The following KIAA1217 variants were observed in gnomAD, a reference collection of about 807,000 sequenced individuals.
KIAA1217 encodes the protein sickle tail protein homolog.
Under a neutral mutation model 163.9 loss-of-function variants are expected in KIAA1217, and 88 were observed. The ratio of observed to expected loss-of-function variants is 0.54; its 90% confidence interval spans 0.45 to 0.64. KIAA1217 has a LOEUF of 0.64. Among genes scored for constraint, KIAA1217 ranks in the 30% least tolerant of loss-of-function variants. The probability of loss-of-function intolerance (pLI) is 0.00; values close to 1 mark genes in which losing one functional copy is unlikely to be tolerated. For synonymous variants in KIAA1217, 903 were observed against 923.1 expected, an observed-to-expected ratio of 0.98 and a Z score of 0.39; for missense variants, 2,372 against 2,475.0, an observed-to-expected ratio of 0.96 and a Z score of 0.88.
At chr10:24,450,591 T>G (rs1259974505) in intron 5 of KIAA1217, among the ~76,000 whole-genome samples, 1 of 152,254 alleles carries the variant, frequency 6.6e-6, no homozygotes, top group Non-Finnish European at 1.5e-5. Context: ...ATGAATTTGC[T>G]TGTTCATATT....
At chr10:24,361,824 A>G (rs1432490220) in intron 2 of KIAA1217, among the ~76,000 whole-genome samples, 1 of 151,886 alleles carries the variant, frequency 6.6e-6, no homozygotes, top group Non-Finnish European at 1.5e-5. Flanking sequence ...AAATACAAAA[A>G]ATTAGCCAGG....
chr10:24,302,960 TAAC>T (rs2041553535), intron 2 of KIAA1217, among the ~76,000 whole-genome samples: 1 of 152,142 alleles, frequency 6.6e-6, no homozygotes, highest in Non-Finnish European at 1.5e-5. Context: ...TGTAGGGTCT[TAAC>T]AGGCTGTAGT....
intron 1 of KIAA1217, among the ~76,000 whole-genome samples, chr10:23,705,558 G>A (rs187233152): frequency 2.0e-5 from 3 of 152,182 alleles, no homozygotes; most frequent in African/African-American, 7.2e-5. Flanking sequence ...TAAATGTGAG[G>A]GTTTATTTAT....
At chr10:23,815,267 GA>G (rs947500269) in intron 1 of KIAA1217, among the ~76,000 whole-genome samples, 63 of 151,524 alleles carry the variant, frequency 4.2e-4, no homozygotes, top group African/African-American at 7.0e-4. Context: ...TTTTACAGAT[GA>G]AAAAAAAGCA....
At chr10:23,700,503 TAA>T (rs529346143) in intron 1 of KIAA1217, among the ~76,000 whole-genome samples, 5 of 142,702 alleles carry the variant, frequency 3.5e-5, no homozygotes, top group Non-Finnish European at 3.1e-5. Context: ...TCTCTCATAG[TAA>T]AAAAAAAAAA....
At chr10:23,790,816 A>G (rs537982314) in intron 1 of KIAA1217, among the ~76,000 whole-genome samples, 24 of 151,864 alleles carry the variant, frequency 1.6e-4, no homozygotes, top group African/African-American at 4.8e-4. Flanking sequence ...GCATTGCAAC[A>G]TCGACCTCCT....
At chr10:24,076,490 C>G (rs2061371994) in intron 2 of KIAA1217, among the ~76,000 whole-genome samples, 1 of 152,150 alleles carries the variant, frequency 6.6e-6, no homozygotes, top group Non-Finnish European at 1.5e-5. Context: ...AGTCTGAGAG[C>G]AGGAAGATGC....
chr10:24,326,141 G>GT (rs1459452081), intron 2 of KIAA1217, among the ~76,000 whole-genome samples: 1 of 152,090 alleles, frequency 6.6e-6, no homozygotes, highest in Non-Finnish European at 1.5e-5. Context: ...TTCATTTCCA[G>GT]TTTTTACTTC....
At chr10:24,220,927 T>C (rs2069547289) in intron 2 of KIAA1217, among the ~76,000 whole-genome samples, 1 of 151,946 alleles carries the variant, frequency 6.6e-6, no homozygotes, top group African/African-American at 2.4e-5. Flanking sequence ...CCTGGCTCAT[T>C]TTTTATTTTT....
intron 12 of KIAA1217, 113 bp from the exon 13 acceptor site, chr10:24,524,210 C>G (rs944611295): frequency 8.9e-7 from 1 of 1,126,784 alleles, no homozygotes; most frequent in Non-Finnish European, 1.3e-6. Flanking sequence ...AGCGGCTACT[C>G]TGAGCTTTGG....
intron 1 of KIAA1217, among the ~76,000 whole-genome samples, chr10:23,943,163 T>C (rs1843857579): frequency 6.6e-6 from 1 of 151,884 alleles, no homozygotes; most frequent in Non-Finnish European, 1.5e-5. Context: ...ATTTTATACA[T>C]GTGGAAATAT....
chr10:24,368,870 C>T (rs1044001275), intron 2 of KIAA1217: 3 of 983,788 alleles, frequency 3.0e-6, no homozygotes, highest in Non-Finnish European at 2.4e-6. Flanking sequence ...TGGTTGGCAT[C>T]TTTTATAATT....
intron 2 of KIAA1217, among the ~76,000 whole-genome samples, chr10:24,096,739 G>T (rs2062178392): frequency 6.6e-6 from 1 of 152,094 alleles, no homozygotes; most frequent in Non-Finnish European, 1.5e-5. Flanking sequence ...GGCCTCAGCT[G>T]AAATGCCACT....
At chr10:23,934,625 A>ACGTATATATATATATATTT (rs1386131943) in intron 1 of KIAA1217, among the ~76,000 whole-genome samples, 3 of 68,550 alleles carry the variant, frequency 4.4e-5, no homozygotes, top group African/African-American at 9.2e-5. Flanking sequence ...ATATATATAT[A>ACGTATATATATATATATTT]TTTTTTTTTT....
chr10:24,063,216 T>G (rs1358754970), intron 2 of KIAA1217, among the ~76,000 whole-genome samples: 2 of 152,210 alleles, frequency 1.3e-5, no homozygotes, highest in African/African-American at 4.8e-5. Context: ...TCCTTCCCCA[T>G]GCCTATGTCC....
chr10:24,119,226 G>A (rs979301925), intron 2 of KIAA1217, among the ~76,000 whole-genome samples: 3 of 152,028 alleles, frequency 2.0e-5, no homozygotes, highest in Non-Finnish European at 4.4e-5. Context: ...TAATATAAAC[G>A]ATATTTTAAC....
chr10:24,121,077 A>G (rs1463724220), intron 2 of KIAA1217, among the ~76,000 whole-genome samples: 1 of 152,212 alleles, frequency 6.6e-6, no homozygotes, highest in East Asian at 1.9e-4. Flanking sequence ...GTCCACTGGC[A>G]TCCTGTATTC....
chr10:24,065,009 G>C (rs2060882631), intron 2 of KIAA1217, among the ~76,000 whole-genome samples: 2 of 152,066 alleles, frequency 1.3e-5, no homozygotes, highest in Non-Finnish European at 1.5e-5. Flanking sequence ...ATTTTTTATT[G>C]CGTCTATTTG....
Position 24,116,211 on chromosome 10 carries a change from G to A in KIAA1217, c.-170-103415G>A, listed in dbSNP as rs1006427960. ...CACACTTGCCCCATGAGTAGTGGTA[G>A]GACATTGAGTGATGAGAATTATCTA... On this transcript the variant is annotated intron_variant, in intron 2 of 18. Coordinates refer to the KIAA1217 transcript ENST00000376462. 9.2e-5 allele frequency among the ~76,000 whole-genome samples: 14 copies of A among 152,064 alleles called. 1 individual carries two copies. Among genetic ancestry groups the A allele is most frequent in the Admixed American group, 7.9e-4 (12 of 15,278 alleles).
Sources: allele counts gnomAD v4.1 joint callset (sites outside exome capture counted in the v4.1 genomes callset), GRCh38; gene constraint gnomAD v4.1.1; transcripts MANE v1.5; gene names NCBI Gene and HGNC (gene_info 2026-07-23, HGNC 2026-07-21).